The following EIF3L variants were observed in gnomAD, a reference collection of about 807,000 sequenced individuals.
EIF3L encodes the protein eIEF associated protein HSPC021.
In EIF3L, 32 loss-of-function variants were observed where a neutral mutation model predicts 74.6. That is an observed-to-expected ratio of 0.43 (90% CI 0.32 to 0.58). EIF3L has a LOEUF of 0.58. EIF3L is among the 20% of genes least tolerant of loss of function. The pLI is 0.06. For missense variants in EIF3L, 474 were observed against 707.8 expected (o/e 0.67, Z 3.75); for synonymous variants, 256 against 254.4 (o/e 1.01, Z -0.06).
chr22:37,859,106 T>C (rs1195177585), intron 5 of EIF3L, among the ~76,000 whole-genome samples: 1 of 151,656 alleles, frequency 6.6e-6, no homozygotes, highest in Non-Finnish European at 1.5e-5. Flanking sequence ...CTCTGAGATG[T>C]ACATAACACT....
intron 10 of EIF3L, chr22:37,877,452 A>G: frequency 1.8e-6 from 1 of 549,284 alleles, no homozygotes. Context: ...CAGAGGTGCC[A>G]GTAAGGAATC....
At chr22:37,859,927 G>T (rs372307590) in intron 5 of EIF3L, among the ~76,000 whole-genome samples, 1 of 152,162 alleles carries the variant, frequency 6.6e-6, no homozygotes, top group South Asian at 2.1e-4. Flanking sequence ...CAGGAGAATC[G>T]CTTGAACCCG....
chr22:37,886,855 C>G lies in EIF3L; in HGVS notation c.1656+10C>G, dbSNP rs373314595. On this transcript the variant is annotated intron_variant, in intron 12 of 12. Coordinates refer to ENST00000652021, the MANE Select transcript of EIF3L (RefSeq NM_016091.4). Reference sequence around the variant, plus strand: ...CCACAAATTTGAGGAGGTGAGAGATCTGAGAGAAGAGGGGTTTGTTGGCTC... The same window carrying G: ...CCACAAATTTGAGGAGGTGAGAGATGTGAGAGAAGAGGGGTTTGTTGGCTC... 1 of 1,605,938 alleles carries G rather than the reference C, an allele frequency of 6.2e-7. No homozygotes were observed. The highest frequency in any genetic ancestry group is 1.3e-5 in the African/African-American group (1 of 74,722).
chr22:37,876,278 CACA>C, intron 10 of EIF3L: 1 of 309,410 alleles, frequency 3.2e-6, no homozygotes, highest in Middle Eastern at 8.9e-4. Flanking sequence ...TAAAGGCGCA[CACA>C]ACAACACCGG....
At chr22:37,888,202 TG>T (rs1384189428) in intron 12 of EIF3L, 1 of 514,192 alleles carries the variant, frequency 1.9e-6, no homozygotes, top group Non-Finnish European at 3.4e-6. Context: ...GTGTTGTGTA[TG>T]GGTTTGTTGA....
chr22:37,857,148 T>TCAGG (rs2145803141), intron 4 of EIF3L, among the ~76,000 whole-genome samples: 1 of 151,824 alleles, frequency 6.6e-6, no homozygotes, highest in South Asian at 2.1e-4. Flanking sequence ...GATCACGAGG[T>TCAGG]CAGGAGATCG....
In EIF3L at chr22:37,874,543, G is replaced by C. The variant is rs1318092025; in HGVS notation, c.906+19G>C. The C allele has an allele frequency of 6.2e-7, 1 of 1,608,070 alleles. No homozygotes were observed. Among genetic ancestry groups the C allele is most frequent in the Admixed American group, 1.7e-5 (1 of 59,626 alleles). ...CAAGAAGGTGATGCCTATTGCCTCT[G>C]GCCCCTCTTGCCAGAGCCAGAATAT... On this transcript the variant is annotated intron_variant, in intron 9 of 12. Transcript: ENST00000652021.
At chr22:37,870,150 T>C in intron 7 of EIF3L, 26 bp from the exon 8 acceptor site, 1 of 1,570,664 alleles carries the variant, frequency 6.4e-7, no homozygotes, top group Admixed American at 1.8e-5. Context: ...ATACCACTAC[T>C]GCATGTTTCT....
At chr22:37,866,922 A>T (rs1190210216) in intron 7 of EIF3L, among the ~76,000 whole-genome samples, 1 of 152,210 alleles carries the variant, frequency 6.6e-6, no homozygotes, top group Non-Finnish European at 1.5e-5. Context: ...CACAATCAAG[A>T]TAAAAGAACG....
At chr22:37,875,533 C>T (rs1926699396) in intron 9 of EIF3L, among the ~76,000 whole-genome samples, 2 of 152,144 alleles carry the variant, frequency 1.3e-5, no homozygotes, top group African/African-American at 2.4e-5. Context: ...TCTGTCTTCC[C>T]TGTCCAAAAG....
At chr22:37,870,629 C>CA (rs1491452736) in intron 8 of EIF3L, among the ~76,000 whole-genome samples, 1 of 151,512 alleles carries the variant, frequency 6.6e-6, no homozygotes, top group Non-Finnish European at 1.5e-5. Flanking sequence ...AAGCACTTCT[C>CA]ACACGTGTTG....
intron 8 of EIF3L, among the ~76,000 whole-genome samples, chr22:37,874,134 C>CA (rs371008866): frequency 1.4e-4 from 21 of 145,766 alleles, no homozygotes; most frequent in Admixed American, 2.0e-4. Context: ...GTGTTGGGAC[C>CA]AAAAAAAAAA....
In EIF3L at chr22:37,875,882, C is replaced by T; in HGVS notation, c.948C>T (p.Tyr316=). 1 of 1,614,038 alleles carries T rather than the reference C, an allele frequency of 6.2e-7. No individual in the cohort carries two copies. Among genetic ancestry groups the T allele is most frequent in the African/African-American group, 1.3e-5 (1 of 74,982 alleles). Residue 316 remains tyrosine, a synonymous_variant, in exon 10 of 13, where the codon TAC becomes TAT. Transcript: ENST00000652021. Reference sequence around the variant, plus strand: ...TGCCAGAGTGCCAGGTCACCACATACTATTATGTTGGGTTTGCATATTTGA... The same window carrying T: ...TGCCAGAGTGCCAGGTCACCACATATTATTATGTTGGGTTTGCATATTTGA... ...SRVPECQVTT[Y]YYVGFAYLMM...
At chr22:37,852,861 G>C (rs975350453) in intron 3 of EIF3L, among the ~76,000 whole-genome samples, 2 of 151,102 alleles carry the variant, frequency 1.3e-5, no homozygotes, top group Non-Finnish European at 2.9e-5. Context: ...AGTGAGGAGA[G>C]AGAAAGGGAG....
At chr22:37,849,957 T>G in intron 1 of EIF3L, 58 bp from the exon 2 acceptor site, 46 of 1,592,822 alleles carry the variant, frequency 2.9e-5, no homozygotes, top group Non-Finnish European at 3.5e-5. Flanking sequence ...GACTCTAGGA[T>G]GAGCGTTTTG....
Position 37,888,450 on chromosome 22 carries a change from G to C in EIF3L, c.1681G>C (p.Gly561Arg). Residue 561 changes from glycine (G) to arginine (R), a missense_variant, in exon 13 of 13, where the codon GGA becomes CGA. By Grantham distance (125) the Gly-to-Arg change is moderately radical. Around this residue, in one of 4 missense-constraint regions of EIF3L, gnomAD observed 293 missense variants for 469.1 expected, o/e 0.62. Transcript: ENST00000652021. ...EELNRTLKKM[G>R]QRP ...GCTTAATCGAACCCTGAAGAAGATG[G>C]GACAGAGACCTTGATGATATTCACA... 6.2e-7 allele frequency: 1 copy of C among 1,613,854 alleles called. No homozygotes were observed. Among genetic ancestry groups the C allele is most frequent in the Non-Finnish European group, 8.5e-7 (1 of 1,179,972 alleles).
rs1159014414 is a variant in EIF3L at position 37,889,086 on chromosome 22, G to A, written c.*622G>A. The A allele has an allele frequency of 6.6e-6, 1 of 152,078 alleles. No homozygotes were observed. 9.4% of individuals were successfully genotyped at this position (152,078 alleles called of 1,614,324 possible). A position where few individuals can be genotyped will look rare whatever the true frequency, so the allele number is the denominator to read the frequency against. On this transcript the variant is annotated 3_prime_UTR_variant, in exon 13 of 13. Coordinates refer to ENST00000652021, the MANE Select transcript of EIF3L (RefSeq NM_016091.4). ...TTTTTTTTAGACGGAGTCTCACTCTGTCGCCCAGGTTGGAGTGTACTGGCG... is the reference window on the plus strand; with the variant it reads ...TTTTTTTTAGACGGAGTCTCACTCTATCGCCCAGGTTGGAGTGTACTGGCG...
chr22:37,852,307 G>A (rs1054390362), intron 3 of EIF3L, among the ~76,000 whole-genome samples: 2 of 152,204 alleles, frequency 1.3e-5, no homozygotes, highest in African/African-American at 2.4e-5. Context: ...TGAGGAAACA[G>A]CACAGAAATA....
chr22:37,858,219 C>CTTTTTT (rs549425262), intron 4 of EIF3L, among the ~76,000 whole-genome samples: 120 of 85,096 alleles, frequency 1.4e-3, no homozygotes, highest in Non-Finnish European at 1.6e-3. Context: ...TTCTTTCTTC[C>CTTTTTT]TTTTTTTTTT....
Sources: allele counts gnomAD v4.1 joint callset (sites outside exome capture counted in the v4.1 genomes callset), GRCh38; gene constraint gnomAD v4.1.1; regional missense constraint gnomAD v4.1.1; transcripts MANE v1.5; gene names NCBI Gene and HGNC (gene_info 2026-07-23, HGNC 2026-07-21).